GDA: variants seen among roughly 807,000 people sequenced by gnomAD.
GDA encodes guanine deaminase, also known as cytoplasmic PSD-95 interactor.
In GDA, 18 loss-of-function variants were observed where a neutral mutation model predicts 59.6. The ratio of observed to expected loss-of-function variants is 0.30; its 90% CI spans 0.21 to 0.45. The LOEUF is 0.45. Ranked by LOEUF, GDA falls within the 20% of genes least tolerant of loss-of-function variation. The probability of loss-of-function intolerance (pLI) is 1.00; values close to 1 mark genes in which losing one functional copy is unlikely to be tolerated. For missense variants in GDA, 427 were observed against 552.3 expected, an observed-to-expected ratio of 0.77 and a Z score of 2.27; for synonymous variants, 201 against 201.1, an observed-to-expected ratio of 1.00 and a Z score of 0.00.
chr9:72,199,479 A>G (rs1298354696), intron 2 of GDA, among the ~76,000 whole-genome samples: 1 of 152,208 alleles, frequency 6.6e-6, no homozygotes, highest in East Asian at 1.9e-4. Context: ...CTCAGCTACA[A>G]TGAACATGCT....
chr9:72,161,310 G>T (rs1319659431), intron 1 of GDA, among the ~76,000 whole-genome samples: 1 of 152,176 alleles, frequency 6.6e-6, no homozygotes, highest in African/African-American at 2.4e-5. Flanking sequence ...TATCACCTTT[G>T]TGTTGACAGC....
chr9:72,116,756 T>A (rs969397607), intron 1 of GDA, among the ~76,000 whole-genome samples: 1 of 152,082 alleles, frequency 6.6e-6, no homozygotes, highest in Admixed American at 6.6e-5. Flanking sequence ...TAAAAATATA[T>A]TCATATCGTT....
downstream of GDA, among the ~76,000 whole-genome samples, chr9:72,258,123 C>T (rs1211868890): frequency 1.3e-5 from 2 of 151,650 alleles, no homozygotes; most frequent in Non-Finnish European, 2.9e-5. Flanking sequence ...CCAGCCTGGG[C>T]AACATAATGA....
intron 12 of GDA, among the ~76,000 whole-genome samples, chr9:72,246,429 T>A (rs1325669862): frequency 6.6e-6 from 1 of 152,242 alleles, no homozygotes; most frequent in Non-Finnish European, 1.5e-5. Context: ...ATTATAGGCG[T>A]GAGCCACTGT....
intron 1 of GDA, among the ~76,000 whole-genome samples, chr9:72,151,255 G>C (rs996448596): frequency 6.6e-6 from 1 of 152,120 alleles, no homozygotes; most frequent in Admixed American, 6.6e-5. Flanking sequence ...TAGAAAACAT[G>C]CCCTTCCCCC....
At chr9:72,144,729 G>A (rs980424297), upstream of GDA, among the ~76,000 whole-genome samples, 1 of 152,114 alleles carries the variant, frequency 6.6e-6, no homozygotes, top group African/African-American at 2.4e-5. Flanking sequence ...GTTTTGGGGG[G>A]CCGAGGGTGC....
At chr9:72,132,895 G>A (rs1012817466) in intron 1 of GDA, among the ~76,000 whole-genome samples, 9 of 152,092 alleles carry the variant, frequency 5.9e-5, no homozygotes, top group African/African-American at 1.2e-4. Flanking sequence ...TTCCATTACC[G>A]CCAAGGACAA....
intron 11 of GDA, among the ~76,000 whole-genome samples, chr9:72,243,532 G>A (rs1180599292): frequency 1.3e-5 from 2 of 152,178 alleles, no homozygotes; most frequent in Non-Finnish European, 2.9e-5. Context: ...AGTGAAGGAG[G>A]AGAGAATTTC....
intron 10 of GDA, 149 bp downstream of exon 10, chr9:72,231,330 A>G (rs1234359718): frequency 1.1e-5 from 6 of 558,166 alleles, no homozygotes; most frequent in Non-Finnish European, 2.0e-5. Flanking sequence ...TAATCCCAGC[A>G]CTTTGGGAGG....
upstream of GDA, among the ~76,000 whole-genome samples, chr9:72,147,472 G>T (rs1256529073): frequency 1.3e-5 from 2 of 152,182 alleles, no homozygotes; most frequent in Non-Finnish European, 2.9e-5. Flanking sequence ...CCAAAGTGTT[G>T]GGATTACAGG....
At chr9:72,195,653 C>G in intron 2 of GDA, 65 bp downstream of exon 2, 1 of 598,884 alleles carries the variant, frequency 1.7e-6, no homozygotes, top group South Asian at 2.5e-5. Flanking sequence ...GAAAACCTGC[C>G]TTGAGAGACA....
intron 1 of GDA, among the ~76,000 whole-genome samples, chr9:72,151,611 T>C (rs1287999703): frequency 6.6e-6 from 1 of 152,028 alleles, no homozygotes; most frequent in East Asian, 1.9e-4. Context: ...GGTTTTTTTT[T>C]GTTTGTTTTT....
At chr9:72,211,756 A>G (rs1835401957) in intron 4 of GDA, among the ~76,000 whole-genome samples, 1 of 152,220 alleles carries the variant, frequency 6.6e-6, no homozygotes, top group Middle Eastern at 3.2e-3. Context: ...CAGGAGTGTC[A>G]ATAGTGGATG....
intron 1 of GDA, among the ~76,000 whole-genome samples, chr9:72,121,933 T>C (rs534483869): frequency 1.3e-5 from 2 of 152,340 alleles, no homozygotes; most frequent in African/African-American, 4.8e-5. Context: ...TTGACTTCCA[T>C]GGACTTTCAT....
intron 2 of GDA, among the ~76,000 whole-genome samples, chr9:72,197,811 T>C (rs934092447): frequency 6.6e-6 from 1 of 152,238 alleles, no homozygotes; most frequent in Non-Finnish European, 1.5e-5. Flanking sequence ...CATAAAGGGA[T>C]GTCTCAGACA....
chr9:72,195,335 G>GTA (rs1270259996), intron 1 of GDA, among the ~76,000 whole-genome samples, 165 bp from the exon 2 acceptor site: 1 of 97,614 alleles, frequency 1.0e-5, no homozygotes, highest in South Asian at 3.4e-4. Flanking sequence ...GCAAACACCT[G>GTA]TCTTTTTTTT....
chr9:72,224,774 G>A (rs1001578923), intron 7 of GDA, among the ~76,000 whole-genome samples: 8 of 150,086 alleles, frequency 5.3e-5, no homozygotes, highest in East Asian at 2.0e-4. Context: ...ATTCAGTGCC[G>A]AGAGAATTTG....
At chr9:72,241,600 G>T (rs1213210673) in intron 11 of GDA, among the ~76,000 whole-genome samples, 1 of 152,052 alleles carries the variant, frequency 6.6e-6, no homozygotes, top group Non-Finnish European at 1.5e-5. Flanking sequence ...CCATTCTTAG[G>T]CCAGGTACCT....
rs772217332 is a variant in GDA, at chr9:72,210,801, G to T, written c.472+27G>T. The stretch of plus-strand genomic sequence containing the variant: ...TGAGCAAATGAAGCATGATTTATGG[G>T]CACCTCAAGCAAAGACAGCCAGACC... On this transcript the variant is annotated intron_variant, in intron 4 of 13. Coordinates refer to ENST00000358399, the MANE Select transcript of GDA (RefSeq NM_004293.5). 3 of 1,380,930 alleles carry T rather than the reference G, an allele frequency of 2.2e-6. 1 individual carries two copies. Among genetic ancestry groups the T allele is most frequent in the Admixed American group, 3.4e-5 (2 of 59,626 alleles). 85.5% of individuals were successfully genotyped at this position (1,380,930 alleles called of 1,614,324 possible). A position where few individuals can be genotyped will look rare whatever the true frequency, so the allele number is the denominator to read the frequency against.
Sources: gnomAD v4.1 joint callset for allele counts (sites outside exome capture counted in the v4.1 genomes callset) on GRCh38, gnomAD v4.1.1 for gene constraint, MANE v1.5 for transcripts, NCBI Gene and HGNC (gene_info 2026-07-23, HGNC 2026-07-21) for gene names.